The following SMARCA2 variants were observed in gnomAD, a reference collection of about 807,000 sequenced individuals.
SMARCA2 encodes the protein SWI/SNF related BAF chromatin remodeling complex subunit ATPase 2.
In SMARCA2, 61 loss-of-function variants were observed where a neutral mutation model predicts 199.8. That is an observed-to-expected ratio of 0.31 (90% confidence interval 0.25 to 0.38). The LOEUF (loss-of-function observed/expected upper bound fraction) is 0.38. Ranked by LOEUF, SMARCA2 falls within the 10% of genes least tolerant of loss-of-function variation. SMARCA2 has a pLI of 1.00. For synonymous variants in SMARCA2, 935 were observed against 732.0 expected, an observed-to-expected ratio of 1.28 and a Z score of -4.48; for missense variants, 1,344 against 2,012.2, an observed-to-expected ratio of 0.67 and a Z score of 6.35.
intron 30 of SMARCA2, 142 bp from the exon 31 acceptor site, chr9:2,181,999 C>A: frequency 1.4e-6 from 1 of 707,504 alleles, no homozygotes; most frequent in Admixed American, 2.3e-5. Context: ...AATGGCGCCC[C>A]CTGGGGTTAT....
At chr9:2,192,620 C>G (rs1280736243) in intron 33 of SMARCA2, 84 bp from the exon 34 acceptor site, 17 of 931,760 alleles carry the variant, frequency 1.8e-5, no homozygotes, top group Non-Finnish European at 2.7e-5. Context: ...TTTTTTCCTA[C>G]TGGCCTCTTG....
chr9:2,092,372 G>C (rs2130508019), intron 19 of SMARCA2, among the ~76,000 whole-genome samples: 1 of 152,266 alleles, frequency 6.6e-6, no homozygotes, highest in African/African-American at 2.4e-5. Flanking sequence ...TCAAATTTTG[G>C]AATGCTTAGC....
chr9:2,192,825 C>A lies in SMARCA2; in HGVS notation c.*86C>A. On this transcript the variant is annotated 3_prime_UTR_variant, in exon 34 of 34. Coordinates refer to ENST00000349721, the MANE Select transcript of SMARCA2 (RefSeq NM_003070.5). ...CCAGTGAGTTCATTTGTCATATAGG[C>A]ACTGGGTTGTTTCTATATCATCATC... 1.0e-6 allele frequency: 1 copy of A among 956,132 alleles called. No individual in the cohort carries two copies. The highest frequency in any genetic ancestry group is 1.7e-6 in the Non-Finnish European group (1 of 588,706). The allele number at this position is 956,132 out of a possible 1,614,324, so 59.2% of individuals were successfully genotyped here.
intron 15 of SMARCA2, among the ~76,000 whole-genome samples, 170 bp downstream of exon 15, chr9:2,082,165 C>A (rs1821592118): frequency 6.6e-6 from 1 of 152,164 alleles, no homozygotes; most frequent in Admixed American, 6.5e-5. Flanking sequence ...CACCCCTCCC[C>A]ATCCTAGCCT....
chr9:2,029,177 G>A lies in SMARCA2; in HGVS notation c.155G>A (p.Ser52Asn). 2 of 1,613,516 alleles carry A rather than the reference G, an allele frequency of 1.2e-6. No homozygotes were observed. Among genetic ancestry groups the A allele is most frequent in the South Asian group, 2.2e-5 (2 of 90,798 alleles). The change falls in exon 2 of 34, where the codon AGT (serine) becomes AAT (asparagine). Residue 52 changes from serine to asparagine, a missense_variant. Ser to Asn is a conservative substitution (Grantham distance 46). Around this residue, in one of 18 missense-constraint regions of SMARCA2, gnomAD observed 275 missense variants for 247.5 expected, o/e 1.11. Transcript: ENST00000349721. ...SMMGPSPGPP[S>N]VSHPMPTMGS... The stretch of plus-strand genomic sequence containing the variant: ...ATGGGGCCAAGTCCTGGACCTCCAA[G>A]TGTCTCCCATCCTATGCCGACGATG...
chr9:2,180,244 T>A (rs968718514), intron 29 of SMARCA2, among the ~76,000 whole-genome samples: 2 of 152,146 alleles, frequency 1.3e-5, no homozygotes, highest in East Asian at 3.9e-4. Flanking sequence ...ATTAAAAAAA[T>A]AAAACAAAAA....
chr9:2,102,059 G>A lies in SMARCA2; in HGVS notation c.3125+443G>A, dbSNP rs926694951. Among the ~76,000 whole-genome samples, 5 of 151,982 alleles carry A rather than the reference G, an allele frequency of 3.3e-5. No homozygotes were observed. The East Asian group carries it at 9.6e-4, about 29-fold the overall frequency. On this transcript the variant is annotated intron_variant, in intron 22 of 33. Coordinates refer to ENST00000349721, the MANE Select transcript of SMARCA2 (RefSeq NM_003070.5). ...TTAGAGTGTGGTCTGTGTAAGAAAT[G>A]TTTTTCATTAGCAATGGATGTTAAA...
At chr9:2,046,541 G>A (rs1819850994) in intron 4 of SMARCA2, among the ~76,000 whole-genome samples, 1 of 152,152 alleles carries the variant, frequency 6.6e-6, no homozygotes, top group Non-Finnish European at 1.5e-5. Flanking sequence ...GATTAAACCT[G>A]AAATATGCTT....
At position 2,032,509 on chromosome 9, in the gene SMARCA2, A is replaced by G. The variant is rs910289258; in HGVS notation, c.226-443A>G. Reference sequence around the variant, plus strand: ...TGGAACCCTGTGGTTTCAACTTTCAAACTTTCCATGGTTCCTTCCCTTCCA... The same window carrying G: ...TGGAACCCTGTGGTTTCAACTTTCAGACTTTCCATGGTTCCTTCCCTTCCA... On this transcript the variant is annotated intron_variant, in intron 2 of 33. Transcript: ENST00000349721. The G allele has an allele frequency of 4.5e-5, 7 of 155,464 alleles. No individual in the cohort carries two copies. In the Admixed American group the frequency reaches 4.5e-4, roughly 10 times the overall value. The allele number at this position is 155,464 out of a possible 1,614,324, so 9.6% of individuals were successfully genotyped here. A position where few individuals can be genotyped will look rare whatever the true frequency, so the allele number is the denominator to read the frequency against.
At chr9:2,019,805 A>G (rs1818524070) in intron 1 of SMARCA2, among the ~76,000 whole-genome samples, 1 of 150,662 alleles carries the variant, frequency 6.6e-6, no homozygotes, top group Admixed American at 6.6e-5. Flanking sequence ...GCTGTCCTCC[A>G]GTGTTTTCTT....
Position 2,101,663 on chromosome 9 carries a change from T to A in SMARCA2, c.3125+47T>A, listed in dbSNP as rs189255373. The A allele has an allele frequency of 2.3e-3, 2,135 of 927,458 alleles. 7 individuals are homozygous for A. Among genetic ancestry groups the A allele is most frequent in the Non-Finnish European group, 3.2e-3 (1,823 of 574,796 alleles). The allele number at this position is 927,458 out of a possible 1,614,324, so 57.5% of individuals were successfully genotyped here. A position where few individuals can be genotyped will look rare whatever the true frequency, so the allele number is the denominator to read the frequency against. ...CTTTTAAAAAAAAATGTTGTTGGCC[T>A]TACATAAACTCCTCCTCTCTACAGT... is the stretch of plus-strand genomic sequence containing the variant. On this transcript the variant is annotated intron_variant, in intron 22 of 33. Transcript: ENST00000349721.
intron 1 of SMARCA2, among the ~76,000 whole-genome samples, chr9:2,023,874 A>G (rs565420283): frequency 4.7e-4 from 72 of 152,374 alleles, no homozygotes; most frequent in African/African-American, 1.7e-3. Flanking sequence ...GTTCTGAATC[A>G]GCAAACAGAC....
chr9:2,019,899 C>A (rs1818527992), intron 1 of SMARCA2, among the ~76,000 whole-genome samples: 1 of 151,542 alleles, frequency 6.6e-6, no homozygotes, highest in Non-Finnish European at 1.5e-5. Flanking sequence ...TTTTTGATAC[C>A]CCAGAGAAAT....
intron 11 of SMARCA2, 106 bp from the exon 12 acceptor site, chr9:2,073,460 G>A (rs1821176221): frequency 6.7e-7 from 1 of 1,493,284 alleles, no homozygotes. Flanking sequence ...GTTGTTACTT[G>A]GATTTGTCTT....
chr9:2,045,593 C>CT (rs569759952), intron 4 of SMARCA2: 11 of 151,928 alleles, frequency 7.2e-5, no homozygotes, highest in Admixed American at 6.6e-4. Context: ...CATAAAGGAC[C>CT]TTTTATACAG....
intron 29 of SMARCA2, among the ~76,000 whole-genome samples, chr9:2,173,398 G>A (rs552177400): frequency 8.5e-4 from 130 of 152,176 alleles, no homozygotes; most frequent in Non-Finnish European, 1.5e-3. Flanking sequence ...AAATGAGAGC[G>A]AGAGGCTGTA....
At position 2,136,977 on chromosome 9, in the gene SMARCA2, A is replaced by G. The variant is rs552562231; in HGVS notation, c.3981+13040A>G. On this transcript the variant is annotated intron_variant, in intron 27 of 33. Coordinates refer to ENST00000349721, the MANE Select transcript of SMARCA2 (RefSeq NM_003070.5). The stretch of plus-strand genomic sequence containing the variant: ...GAAAGGGCCACTGCCTCTTTGGCCA[A>G]GCAGTCTGGCCTCCAGACACAGCAG... Among the ~76,000 whole-genome samples the G allele has an allele frequency of 7.9e-5, 12 of 152,292 alleles. No individual in the cohort carries two copies. In the East Asian group the frequency reaches 2.3e-3, roughly 29 times the overall value.
chr9:2,074,005 A>T (rs1321752306), intron 12 of SMARCA2, among the ~76,000 whole-genome samples: 1 of 152,196 alleles, frequency 6.6e-6, no homozygotes, highest in Non-Finnish European at 1.5e-5. Context: ...AAAAGTTCTG[A>T]AGTCCTTCAG....
intron 27 of SMARCA2, among the ~76,000 whole-genome samples, chr9:2,140,506 G>A (rs1034793206): frequency 6.6e-6 from 1 of 152,122 alleles, no homozygotes; most frequent in African/African-American, 2.4e-5. Context: ...TGACTGTTCT[G>A]TTCTGTCTTT....
Sources: gnomAD v4.1 joint callset for allele counts (sites outside exome capture counted in the v4.1 genomes callset) on GRCh38, gnomAD v4.1.1 for gene constraint, gnomAD v4.1.1 regional missense constraint, MANE v1.5 for transcripts, NCBI Gene and HGNC (gene_info 2026-07-23, HGNC 2026-07-21) for gene names.